The following SEPTIN4 variants were observed in gnomAD, a reference collection of about 807,000 sequenced individuals.
SEPTIN4 encodes the protein septin-4.
In SEPTIN4, 52 loss-of-function variants were observed where a neutral mutation model predicts 107.1. That is an observed-to-expected ratio of 0.49 (90% CI 0.39 to 0.61). The LOEUF is 0.61. Among genes scored for constraint, SEPTIN4 ranks in the 20% least tolerant of loss-of-function variants. The pLI is 0.00. For synonymous variants in SEPTIN4, 417 were observed against 467.0 expected, an observed-to-expected ratio of 0.89 and a Z score of 1.38; for missense variants, 1,048 against 1,243.5, an observed-to-expected ratio of 0.84 and a Z score of 2.36.
At chr17:58,535,218 G>A (rs751154859) in intron 3 of SEPTIN4, among the ~76,000 whole-genome samples, 13 of 152,212 alleles carry the variant, frequency 8.5e-5, no homozygotes, top group Non-Finnish European at 1.3e-4. Flanking sequence ...CATGATCCTG[G>A]GGGCAGGCAT....
Position 58,542,913 on chromosome 17 carries a change from G to A in SEPTIN4, c.1274C>T (p.Ser425Phe), listed in dbSNP as rs749457055. 14 of 1,614,072 alleles carry A rather than the reference G, an allele frequency of 8.7e-6. No individual in the cohort carries two copies. Among genetic ancestry groups the A allele is most frequent in the African/African-American group, 2.7e-5 (2 of 74,920 alleles). ...AGGATTCAGCAAGGGCCACCATGAG[G>A]AGTCAGGTCCGTACCTAGGTAAGGA... is the stretch of plus-strand genomic sequence containing the variant. ...PRSLPRYGPD[S>F]SWWPLLNPEV... Residue 425 changes from serine to phenylalanine, a missense_variant, in exon 1 of 14, where the codon TCC becomes TTC. Transcript: ENST00000672673.
At position 58,542,941 on chromosome 17, in the gene SEPTIN4, G is replaced by A. The variant is rs764453112; in HGVS notation, c.1246C>T (p.Arg416Trp). 1.3e-5 allele frequency: 21 copies of A among 1,614,092 alleles called. No homozygotes were observed. In the East Asian group the frequency reaches 1.6e-4, roughly 12 times the overall value. Residue 416 changes from arginine (R) to tryptophan (W), a missense_variant, in exon 1 of 14, where the codon CGG (arginine) becomes TGG (tryptophan). Around this residue, in one of 2 missense-constraint regions of SEPTIN4, gnomAD observed 787 missense variants for 871.8 expected, o/e 0.90. Coordinates refer to ENST00000672673, the MANE Select transcript of SEPTIN4 (RefSeq NM_001368771.2). ...LELTPRPLPP[R>W]SLPRYGPDSS... ...TCAGGTCCGTACCTAGGTAAGGACC[G>A]AGGAGGCAAGGGCCTAGGGGTCAGT...
intron 5 of SEPTIN4, 37 bp downstream of exon 5, chr17:58,526,183 A>T (rs1298723385): frequency 6.5e-7 from 1 of 1,541,836 alleles, no homozygotes; most frequent in Admixed American, 2.0e-5. Context: ...CCCACCTGAA[A>T]CACACCCTGC....
At chr17:58,523,589 A>G (rs1399347105) in intron 7 of SEPTIN4, among the ~76,000 whole-genome samples, 1 of 151,488 alleles carries the variant, frequency 6.6e-6, no homozygotes, top group East Asian at 1.9e-4. Context: ...ACTTGACTAT[A>G]AGCCTCTCAG....
At chr17:58,533,878 G>A (rs548658670) in intron 3 of SEPTIN4, among the ~76,000 whole-genome samples, 1 of 152,344 alleles carries the variant, frequency 6.6e-6, no homozygotes, top group East Asian at 1.9e-4. Flanking sequence ...CTGTGGCCTA[G>A]GGTAAGGAGA....
chr17:58,536,456 G>C (rs1225790309), intron 3 of SEPTIN4, among the ~76,000 whole-genome samples: 2 of 152,182 alleles, frequency 1.3e-5, no homozygotes, highest in African/African-American at 4.8e-5. Flanking sequence ...AGATTAAATT[G>C]ACATTGGAAT....
chr17:58,526,990 G>C lies in SEPTIN4; in HGVS notation c.1615-12C>G, dbSNP rs201763239. The C allele has an allele frequency of 2.4e-5, 39 of 1,613,786 alleles. No homozygotes were observed. Among genetic ancestry groups the C allele is most frequent in the South Asian group, 1.1e-5 (1 of 91,074 alleles). On this transcript the variant is annotated splice_polypyrimidine_tract_variant and intron_variant, in intron 3 of 13. Transcript: ENST00000672673. ...AGGAAACGCTTGATCTGGGGGAAGC[G>C]GGGTGGGTAGAATAGATGGGTGGTG... is the stretch of plus-strand genomic sequence containing the variant.
At chr17:58,529,176 T>A in intron 3 of SEPTIN4, 2 of 1,614,214 alleles carry the variant, frequency 1.2e-6, no homozygotes, top group Non-Finnish European at 1.7e-6. Flanking sequence ...ACGGTCCATG[T>A]CCCACGCTTC....
chr17:58,522,167 A>G, intron 7 of SEPTIN4, 66 bp from the exon 8 acceptor site: 1 of 1,593,868 alleles, frequency 6.3e-7, no homozygotes, highest in South Asian at 1.1e-5. Context: ...CTCTGGGACT[A>G]CAGAGAAGTA....
chr17:58,539,105 A>G, intron 3 of SEPTIN4: 1 of 1,522,762 alleles, frequency 6.6e-7, no homozygotes, highest in Non-Finnish European at 8.8e-7. Flanking sequence ...TCTCCATGCC[A>G]TCCTACCTCC....
rs866155392 is a variant in SEPTIN4 at position 58,543,873 on chromosome 17, T to C, written c.314A>G (p.Lys105Arg). Residue 105 changes from lysine (K) to arginine (R), a missense_variant, in exon 1 of 14, where the codon AAG becomes AGG. Lys to Arg is a conservative substitution (Grantham distance 26). Coordinates refer to ENST00000672673, the MANE Select transcript of SEPTIN4 (RefSeq NM_001368771.2). ...AGCCAGTGTCTGAGTCTTCTGGCTCTTTAGATGGGGAGAGGAATGGCGGGA... is the reference window on the plus strand; with the variant it reads ...AGCCAGTGTCTGAGTCTTCTGGCTCCTTAGATGGGGAGAGGAATGGCGGGA... ...ESSRHSSPHL[K>R]SQKTQTLASH... 3 of 1,614,010 alleles carry C rather than the reference T, an allele frequency of 1.9e-6. No individual in the cohort carries two copies. The highest frequency in any genetic ancestry group is 3.3e-5 in the Admixed American group (2 of 60,004).
chr17:58,534,809 T>C (rs1402063432), intron 3 of SEPTIN4, among the ~76,000 whole-genome samples: 2 of 152,082 alleles, frequency 1.3e-5, no homozygotes, highest in African/African-American at 4.8e-5. Flanking sequence ...CTCCACTAGG[T>C]CTTTCCTGCC....
intron 3 of SEPTIN4, chr17:58,529,476 C>A: frequency 7.7e-7 from 1 of 1,295,490 alleles, no homozygotes; most frequent in Non-Finnish European, 9.9e-7. Context: ...TTGGCTGTCC[C>A]ATGACGCCTG....
In SEPTIN4 at chr17:58,520,307, G is replaced by T. The variant is rs550254784; in HGVS notation, c.*119C>A. ...TTTCCTCTGAGTCTCTGGGCAGTCAGCAGGGATGTAAGGCGAAGTGGCAGT... is the reference window on the plus strand; with the variant it reads ...TTTCCTCTGAGTCTCTGGGCAGTCATCAGGGATGTAAGGCGAAGTGGCAGT... On this transcript the variant is annotated 3_prime_UTR_variant, in exon 14 of 14. Coordinates refer to ENST00000672673, the MANE Select transcript of SEPTIN4 (RefSeq NM_001368771.2). 2.4e-6 allele frequency: 2 copies of T among 843,450 alleles called. No individual in the cohort carries two copies. Among genetic ancestry groups the T allele is most frequent in the African/African-American group, 1.7e-5 (1 of 58,720 alleles). The allele number at this position is 843,450 out of a possible 1,614,324, so 52.2% of individuals were successfully genotyped here. A position where few individuals can be genotyped will look rare whatever the true frequency, so the allele number is the denominator to read the frequency against.
intron 2 of SEPTIN4, 76 bp downstream of exon 2, chr17:58,541,846 C>T (rs748853946): frequency 3.1e-6 from 5 of 1,614,122 alleles, no homozygotes; most frequent in African/African-American, 2.7e-5. Flanking sequence ...TCTGTAGATA[C>T]ATAGATGCCA....
chr17:58,542,612 G>T lies in SEPTIN4; in HGVS notation c.1561+14C>A. On this transcript the variant is annotated intron_variant, in intron 1 of 13. Coordinates refer to ENST00000672673, the MANE Select transcript of SEPTIN4 (RefSeq NM_001368771.2). ...AATTGGGGCTGCACCTGGGCAGTCT[G>T]CTTCTTCACATACCCAGGAAGAAAG... The T allele has an allele frequency of 5.6e-6, 9 of 1,597,726 alleles. No homozygotes were observed. The highest frequency in any genetic ancestry group is 7.7e-6 in the Non-Finnish European group (9 of 1,172,676).
In SEPTIN4 at chr17:58,542,883, AC is replaced by A; in HGVS notation, c.1303del (p.Val435LeufsTer8). On this transcript the variant is annotated frameshift_variant, in exon 1 of 14. Transcript: ENST00000672673. LOFTEE classifies it high-confidence loss of function. ...TGTCAGCTGGCTTTGGGGTGTTTCA[AC>A]TTCAGGATTCAGCAAGGGCCACCAT... is the stretch of plus-strand genomic sequence containing the variant. ...SSWWPLLNPE[V>X]ETPQSQLTTP... is the part of the protein sequence containing the mutation. The A allele has an allele frequency of 1.2e-6, 2 of 1,614,156 alleles. No homozygotes were observed. Among genetic ancestry groups the A allele is most frequent in the South Asian group, 2.2e-5 (2 of 91,082 alleles).
chr17:58,532,006 G>C, intron 3 of SEPTIN4: 1 of 1,138,362 alleles, frequency 8.8e-7, no homozygotes, highest in Non-Finnish European at 1.1e-6. Flanking sequence ...GACAGCGCCC[G>C]AGCGACCCGC....
At chr17:58,527,852 C>T (rs989883864) in intron 3 of SEPTIN4, 11 of 985,634 alleles carry the variant, frequency 1.1e-5, no homozygotes, top group East Asian at 1.1e-4. Context: ...CGGCAGTGCA[C>T]GAGAGGGCCT....
Sources: gnomAD v4.1 joint callset for allele counts (sites outside exome capture counted in the v4.1 genomes callset) on GRCh38, gnomAD v4.1.1 for gene constraint, gnomAD v4.1.1 regional missense constraint, MANE v1.5 for transcripts, NCBI Gene and HGNC (gene_info 2026-07-23, HGNC 2026-07-21) for gene names.